The following XIRP2 variants were observed in gnomAD, a reference collection of about 807,000 sequenced individuals.
The protein encoded by XIRP2 is xin actin-binding repeat-containing protein 2.
XIRP2 carries 236 observed loss-of-function variants against 277.0 expected under a neutral mutation model. That is an observed-to-expected ratio of 0.85 (90% CI 0.77 to 0.95). The LOEUF (loss-of-function observed/expected upper bound fraction) is 0.95. XIRP2 is among the 40% of genes least tolerant of loss of function. The pLI is 0.00. For missense variants in XIRP2, 4,640 were observed against 4,157.5 expected (o/e 1.12, Z -3.19); for synonymous variants, 1,490 against 1,416.5 (o/e 1.05, Z -1.17).
At chr2:167,189,404 A>G (rs1353936187) in intron 3 of XIRP2, among the ~76,000 whole-genome samples, 1 of 152,222 alleles carries the variant, frequency 6.6e-6, no homozygotes, top group Non-Finnish European at 1.5e-5. Flanking sequence ...CAGCAGTGTA[A>G]TTCCAAGATT....
chr2:167,025,825 T>G (rs1166876998), intron 2 of XIRP2, among the ~76,000 whole-genome samples: 5 of 152,094 alleles, frequency 3.3e-5, no homozygotes, highest in Admixed American at 2.6e-4. Context: ...AGAGACAGTT[T>G]GTTATAATTT....
intron 2 of XIRP2, among the ~76,000 whole-genome samples, chr2:167,097,303 CTTCT>C (rs1457882143): frequency 6.6e-6 from 1 of 152,104 alleles, no homozygotes; most frequent in Admixed American, 6.5e-5. Flanking sequence ...ATGTAATGGC[CTTCT>C]TTGTCTTTTT....
chr2:167,226,585 C>G (rs1405197711), intron 5 of XIRP2, among the ~76,000 whole-genome samples: 2 of 152,140 alleles, frequency 1.3e-5, no homozygotes, highest in Non-Finnish European at 2.9e-5. Context: ...GATAGAAAAG[C>G]CTTTTCTTCA....
At chr2:167,032,995 ATG>A (rs1193034124) in intron 2 of XIRP2, among the ~76,000 whole-genome samples, 1 of 152,152 alleles carries the variant, frequency 6.6e-6, no homozygotes, top group Non-Finnish European at 1.5e-5. Context: ...ACATGCACAC[ATG>A]TGTTTACTGC....
intron 4 of XIRP2, among the ~76,000 whole-genome samples, chr2:167,214,232 GGA>G (rs1694166213): frequency 1.1e-5 from 1 of 89,452 alleles, no homozygotes; most frequent in Non-Finnish European, 2.1e-5. Flanking sequence ...GAGGGAGGAA[GGA>G]AGGAAGGAAG....
chr2:167,083,862 G>T (rs2105265610), intron 2 of XIRP2, among the ~76,000 whole-genome samples: 1 of 151,998 alleles, frequency 6.6e-6, no homozygotes, highest in African/African-American at 2.4e-5. Flanking sequence ...TGGTTTTCTA[G>T]ATATACAATC....
intron 2 of XIRP2, 34 bp downstream of exon 2, chr2:166,903,924 A>G (rs1261220346): frequency 4.4e-6 from 7 of 1,583,470 alleles, no homozygotes; most frequent in South Asian, 1.1e-5. Context: ...CTATGTTTAC[A>G]TATGACTTCC....
chr2:167,082,895 C>T (rs1157747305), intron 2 of XIRP2, among the ~76,000 whole-genome samples: 20 of 152,134 alleles, frequency 1.3e-4, no homozygotes, highest in Middle Eastern at 3.4e-3. Flanking sequence ...TTGTAGGTTG[C>T]CTGTTCACTC....
At chr2:167,090,841 A>G (rs1229969947) in intron 2 of XIRP2, among the ~76,000 whole-genome samples, 1 of 152,108 alleles carries the variant, frequency 6.6e-6, no homozygotes, top group Non-Finnish European at 1.5e-5. Flanking sequence ...GCACCAAGCT[A>G]TTCATGAGGC....
intron 3 of XIRP2, among the ~76,000 whole-genome samples, chr2:167,204,765 T>C (rs996998614): frequency 6.6e-6 from 1 of 152,192 alleles, no homozygotes; most frequent in African/African-American, 2.4e-5. Flanking sequence ...CAAACACGCG[T>C]ATTTATTATA....
chr2:166,900,352 T>C (rs954798571), intron 1 of XIRP2, among the ~76,000 whole-genome samples: 1 of 152,056 alleles, frequency 6.6e-6, no homozygotes, highest in Non-Finnish European at 1.5e-5. Flanking sequence ...CTTCTATTTG[T>C]TTGCTAAGGC....
At chr2:167,030,455 CTTAATT>C (rs1362189333) in intron 2 of XIRP2, among the ~76,000 whole-genome samples, 1 of 151,972 alleles carries the variant, frequency 6.6e-6, no homozygotes, top group Non-Finnish European at 1.5e-5. Flanking sequence ...TTATTTCTGC[CTTAATT>C]TTGTTATGTA....
At chr2:167,048,626 A>AGAAG (rs1688845301) in intron 2 of XIRP2, among the ~76,000 whole-genome samples, 1 of 151,870 alleles carries the variant, frequency 6.6e-6, no homozygotes, top group African/African-American at 2.4e-5. Context: ...TTTAGGACAC[A>AGAAG]GAAGACAGCA....
At chr2:166,907,633 C>T (rs1373043984) in intron 2 of XIRP2, among the ~76,000 whole-genome samples, 1 of 147,978 alleles carries the variant, frequency 6.8e-6, no homozygotes, top group Non-Finnish European at 1.5e-5. Flanking sequence ...TTTTTTAATA[C>T]TCTAAGTTCT....
At chr2:166,961,217 T>C (rs1686288505) in intron 2 of XIRP2, among the ~76,000 whole-genome samples, 1 of 151,402 alleles carries the variant, frequency 6.6e-6, no homozygotes, top group Non-Finnish European at 1.5e-5. Flanking sequence ...TCTTTTAGAG[T>C]TTTTTCTTCC....
In XIRP2 at chr2:167,240,648, T is replaced by C; in HGVS notation, c.970-16T>C. Reference sequence around the variant, plus strand: ...TTCTTAAAAACAATTTATTTTCAAATTCTCTTTAAATACAGGTCTCTCATC... The same window carrying C: ...TTCTTAAAAACAATTTATTTTCAAACTCTCTTTAAATACAGGTCTCTCATC... On this transcript the variant is annotated splice_polypyrimidine_tract_variant and intron_variant, in intron 6 of 10. Transcript: ENST00000409195. 1 of 1,609,930 alleles carries C rather than the reference T, an allele frequency of 6.2e-7. No individual in the cohort carries two copies. The highest frequency in any genetic ancestry group is 8.5e-7 in the Non-Finnish European group (1 of 1,176,538).
chr2:167,013,029 A>G (rs1199519997), intron 2 of XIRP2, among the ~76,000 whole-genome samples: 4 of 151,472 alleles, frequency 2.6e-5, no homozygotes, highest in Non-Finnish European at 1.5e-5. Flanking sequence ...TTAAAAATTT[A>G]TCAACCATCC....
At chr2:167,214,187 GGAA>G (rs2105394501) in intron 4 of XIRP2, among the ~76,000 whole-genome samples, 1 of 94,592 alleles carries the variant, frequency 1.1e-5, no homozygotes, top group East Asian at 3.2e-4. Flanking sequence ...AAGGAAGGAA[GGAA>G]AGAGAGAGAG....
intron 2 of XIRP2, among the ~76,000 whole-genome samples, chr2:166,995,573 A>G (rs548213764): frequency 1.3e-5 from 2 of 152,212 alleles, no homozygotes; most frequent in Non-Finnish European, 2.9e-5. Context: ...AGAGATTGAG[A>G]AAATGTCCCT....
Sources: allele counts gnomAD v4.1 joint callset (sites outside exome capture counted in the v4.1 genomes callset), GRCh38; gene constraint gnomAD v4.1.1; transcripts MANE v1.5; gene names NCBI Gene and HGNC (gene_info 2026-07-23, HGNC 2026-07-21).